Variants in LRRIQ3 observed in about 807,000 individuals in gnomAD.
The protein encoded by LRRIQ3 is leucine-rich repeat and IQ domain-containing protein 3.
In LRRIQ3, 75 loss-of-function variants were observed where a neutral mutation model predicts 59.3. The observed-to-expected ratio is 1.26, with a 90% CI of 1.05 to 1.53. The LOEUF (loss-of-function observed/expected upper bound fraction) is 1.53. Ranked by LOEUF, LRRIQ3 falls within the 40% of genes most tolerant of loss-of-function variation. The probability of loss-of-function intolerance (pLI) is 0.00; values close to 1 mark genes in which losing one functional copy is unlikely to be tolerated. For synonymous variants in LRRIQ3, 250 were observed against 231.3 expected, an observed-to-expected ratio of 1.08 and a Z score of -0.73; for missense variants, 831 against 710.0, an observed-to-expected ratio of 1.17 and a Z score of -1.94.
chr1:74,197,139 G>A (rs570694597), intron 1 of LRRIQ3, among the ~76,000 whole-genome samples: 1 of 152,016 alleles, frequency 6.6e-6, no homozygotes, highest in Non-Finnish European at 1.5e-5. Context: ...AATCTAATCT[G>A]CCATTTTATC....
chr1:74,192,731 A>C (rs1650846833), intron 1 of LRRIQ3, among the ~76,000 whole-genome samples: 1 of 152,160 alleles, frequency 6.6e-6, no homozygotes, highest in Admixed American at 6.6e-5. Context: ...TTGCTATTAA[A>C]AGGAAAGATT....
At chr1:74,164,920 C>A (rs1473068812) in intron 3 of LRRIQ3, among the ~76,000 whole-genome samples, 1 of 151,450 alleles carries the variant, frequency 6.6e-6, no homozygotes, top group Non-Finnish European at 1.5e-5. Context: ...ATTGAAAAGA[C>A]TTTTTTACTT....
At chr1:74,197,695 G>T (rs1279037336) in intron 1 of LRRIQ3, among the ~76,000 whole-genome samples, 1 of 152,042 alleles carries the variant, frequency 6.6e-6, no homozygotes, top group Non-Finnish European at 1.5e-5. Flanking sequence ...AGAGGGGTGG[G>T]GTGGCTCACT....
intron 7 of LRRIQ3, among the ~76,000 whole-genome samples, chr1:74,033,151 G>A (rs1249615424): frequency 6.6e-6 from 1 of 152,034 alleles, no homozygotes; most frequent in Non-Finnish European, 1.5e-5. Context: ...AGCAGCTCAA[G>A]TTGGAGACCA....
chr1:74,040,355 C>A (rs907234097), intron 7 of LRRIQ3, among the ~76,000 whole-genome samples: 1 of 152,100 alleles, frequency 6.6e-6, no homozygotes, highest in African/African-American at 2.4e-5. Flanking sequence ...GACTTTAATA[C>A]CCCACTGTCA....
At chr1:74,112,437 A>T (rs1169938197) in intron 4 of LRRIQ3, among the ~76,000 whole-genome samples, 1 of 152,154 alleles carries the variant, frequency 6.6e-6, no homozygotes, top group Non-Finnish European at 1.5e-5. Context: ...AAACAGGAAA[A>T]GAGCTAAGAA....
intron 6 of LRRIQ3, among the ~76,000 whole-genome samples, chr1:74,045,093 C>G (rs1654161046): frequency 6.6e-6 from 1 of 152,102 alleles, no homozygotes; most frequent in Non-Finnish European, 1.5e-5. Flanking sequence ...AAGAGCGAAT[C>G]CTCCTTAACT....
At chr1:74,060,789 A>C (rs1654700485) in intron 6 of LRRIQ3, among the ~76,000 whole-genome samples, 1 of 152,098 alleles carries the variant, frequency 6.6e-6, no homozygotes, top group African/African-American at 2.4e-5. Flanking sequence ...CACTCCAAGC[A>C]GATCTTCAGA....
At chr1:74,173,904 G>GT (rs986025212) in intron 3 of LRRIQ3, among the ~76,000 whole-genome samples, 3 of 151,882 alleles carry the variant, frequency 2.0e-5, no homozygotes, top group African/African-American at 4.8e-5. Context: ...TGGTTGTCAC[G>GT]TTTTGGGTTT....
chr1:74,068,966 C>A (rs571507208), intron 6 of LRRIQ3, among the ~76,000 whole-genome samples: 3 of 152,056 alleles, frequency 2.0e-5, no homozygotes, highest in Non-Finnish European at 4.4e-5. Context: ...ATAAAATCAC[C>A]TTTAGAGTAT....
chr1:74,198,160 G>T lies in LRRIQ3; in HGVS notation c.-165C>A. On this transcript the variant is annotated 5_prime_UTR_variant, in exon 1 of 8. Coordinates refer to ENST00000354431, the MANE Select transcript of LRRIQ3 (RefSeq NM_001105659.2). ...TGGTTTTCCGGGCGCCAGCCAAGGC[G>T]CTCCGGGGGCGTGGTTACGTGGGCG... 6.6e-7 allele frequency: 1 copy of T among 1,508,258 alleles called. No homozygotes were observed. 93.4% of individuals were successfully genotyped at this position (1,508,258 alleles called of 1,614,324 possible).
chr1:74,178,405 C>T (rs1274721447), intron 3 of LRRIQ3, among the ~76,000 whole-genome samples: 5 of 151,598 alleles, frequency 3.3e-5, no homozygotes, highest in Admixed American at 6.6e-5. Context: ...AGCAAAAACA[C>T]GTTAAATTTT....
At chr1:74,162,254 G>C (rs1414753924) in intron 3 of LRRIQ3, among the ~76,000 whole-genome samples, 2 of 151,746 alleles carry the variant, frequency 1.3e-5, no homozygotes, top group East Asian at 1.9e-4. Flanking sequence ...TCTAAAAAGA[G>C]ACGTGTACTA....
chr1:74,052,750 C>T (rs112034171), intron 6 of LRRIQ3, among the ~76,000 whole-genome samples: 132 of 152,082 alleles, frequency 8.7e-4, no homozygotes, highest in African/African-American at 2.9e-3. Context: ...CTGAGCTCTT[C>T]TCTCTGTGGA....
chr1:74,089,598 CAT>C (rs1303850498), intron 5 of LRRIQ3, among the ~76,000 whole-genome samples: 2 of 151,970 alleles, frequency 1.3e-5, no homozygotes, highest in Non-Finnish European at 2.9e-5. Flanking sequence ...CATAAAATAA[CAT>C]ATATGCATGA....
chr1:74,094,496 T>C (rs1646428655), intron 5 of LRRIQ3, among the ~76,000 whole-genome samples: 1 of 152,010 alleles, frequency 6.6e-6, no homozygotes, highest in Non-Finnish European at 1.5e-5. Flanking sequence ...GAAACTAGAC[T>C]AGGCAAGAAA....
chr1:74,136,128 G>A (rs1647119703), intron 4 of LRRIQ3, among the ~76,000 whole-genome samples: 1 of 151,844 alleles, frequency 6.6e-6, no homozygotes, highest in Non-Finnish European at 1.5e-5. Context: ...ATTGGAAAAT[G>A]TAGATGAAAT....
intron 5 of LRRIQ3, among the ~76,000 whole-genome samples, chr1:74,075,295 A>G (rs932458442): frequency 2.6e-5 from 4 of 152,136 alleles, no homozygotes; most frequent in Non-Finnish European, 5.9e-5. Context: ...GGCCAGGCAC[A>G]GGGGCTCACA....
chr1:74,162,994 A>G (rs1211947000), intron 3 of LRRIQ3, among the ~76,000 whole-genome samples: 3 of 151,648 alleles, frequency 2.0e-5, no homozygotes, highest in African/African-American at 4.8e-5. Flanking sequence ...GAAGGAAGAT[A>G]GTGAATGTTC....
Sources: allele counts gnomAD v4.1 joint callset (sites outside exome capture counted in the v4.1 genomes callset), GRCh38; gene constraint gnomAD v4.1.1; transcripts MANE v1.5; gene names NCBI Gene and HGNC (gene_info 2026-07-23, HGNC 2026-07-21).